AGBL4: variants seen among roughly 807,000 people sequenced by gnomAD.
The protein encoded by AGBL4 is AGBL carboxypeptidase 4, also known as cytosolic carboxypeptidase 6.
Under a neutral mutation model 66.4 loss-of-function variants are expected in AGBL4, and 58 were observed. The ratio of observed to expected loss-of-function variants is 0.87; its 90% CI spans 0.71 to 1.09. The LOEUF is 1.09. Ranked by LOEUF, AGBL4 falls within the 50% of genes least tolerant of loss-of-function variation. The probability of loss-of-function intolerance (pLI) is 0.00; values close to 1 mark genes in which losing one functional copy is unlikely to be tolerated. For synonymous variants in AGBL4, 234 were observed against 222.9 expected (o/e 1.05, Z -0.44); for missense variants, 579 against 631.0 (o/e 0.92, Z 0.88).
At chr1:49,626,746 C>T (rs1023240243) in intron 3 of AGBL4, among the ~76,000 whole-genome samples, 1 of 152,068 alleles carries the variant, frequency 6.6e-6, no homozygotes, top group Non-Finnish European at 1.5e-5. Flanking sequence ...AAGTGGGAGT[C>T]TGTGCTGTTG....
intron 5 of AGBL4, among the ~76,000 whole-genome samples, chr1:48,869,837 C>A (rs940013472): frequency 1.3e-5 from 2 of 152,118 alleles, no homozygotes; most frequent in Non-Finnish European, 2.9e-5. Context: ...TTTTAATTTT[C>A]TGTGCATGTA....
chr1:49,802,773 C>G (rs1644893347), intron 2 of AGBL4, among the ~76,000 whole-genome samples: 1 of 152,118 alleles, frequency 6.6e-6, no homozygotes. Flanking sequence ...TTGTGTGTGT[C>G]TATTATTTCT....
intron 4 of AGBL4, among the ~76,000 whole-genome samples, chr1:49,128,600 A>C (rs1645814082): frequency 6.6e-6 from 1 of 152,104 alleles, no homozygotes; most frequent in Non-Finnish European, 1.5e-5. Flanking sequence ...AAAACAGCCA[A>C]AATAACTTAA....
Position 48,587,665 on chromosome 1 carries a change from T to A in AGBL4, c.1105-499A>T, listed in dbSNP as rs1644845322. 3.3e-5 allele frequency among the ~76,000 whole-genome samples: 5 copies of A among 151,798 alleles called. No homozygotes were observed. The South Asian group carries it at 1.0e-3, about 32-fold the overall frequency. ...ATTTTATTTTATTTATTTTTTGAGA[T>A]GAAGTCTCGCTCTGTCACCCAGGCT... On this transcript the variant is annotated intron_variant, in intron 10 of 13. Coordinates refer to ENST00000371839, the MANE Select transcript of AGBL4 (RefSeq NM_032785.4).
At chr1:49,721,660 G>T (rs1370711424) in intron 2 of AGBL4, among the ~76,000 whole-genome samples, 1 of 152,060 alleles carries the variant, frequency 6.6e-6, no homozygotes, top group Non-Finnish European at 1.5e-5. Context: ...CTTGTAAAAA[G>T]CTTGAAATAG....
chr1:49,934,526 C>T (rs1431190752), intron 1 of AGBL4, among the ~76,000 whole-genome samples: 2 of 152,062 alleles, frequency 1.3e-5, no homozygotes, highest in Non-Finnish European at 2.9e-5. Context: ...TTCACGATTA[C>T]AGAAAAATTC....
chr1:48,747,634 C>G lies in AGBL4; in HGVS notation c.635-84393G>C, dbSNP rs144026444. Among the ~76,000 whole-genome samples the G allele has an allele frequency of 1.3e-3, 205 of 152,356 alleles. 1 individual carries two copies. The highest frequency in any genetic ancestry group is 6.8e-3 in the Middle Eastern group (2 of 294). ...CCTGGTTCTGTTATTTACTTTACCT[C>G]TTTAAGCCCTACTGGCTTTTTCCCT... is the stretch of plus-strand genomic sequence containing the variant. On this transcript the variant is annotated intron_variant, in intron 6 of 13. Coordinates refer to ENST00000371839, the MANE Select transcript of AGBL4 (RefSeq NM_032785.4).
At chr1:49,423,728 C>T (rs1358681552) in intron 3 of AGBL4, among the ~76,000 whole-genome samples, 1 of 150,760 alleles carries the variant, frequency 6.6e-6, no homozygotes, top group African/African-American at 2.4e-5. Flanking sequence ...AGGAGAATCA[C>T]CTGCACGTGG....
intron 5 of AGBL4, among the ~76,000 whole-genome samples, chr1:48,936,568 G>GT (rs1298440448): frequency 1.3e-5 from 2 of 152,148 alleles, no homozygotes; most frequent in Non-Finnish European, 2.9e-5. Flanking sequence ...ATGGTTGATT[G>GT]TAACACTGAA....
chr1:48,618,482 G>T (rs2148392165), intron 9 of AGBL4, among the ~76,000 whole-genome samples: 1 of 152,124 alleles, frequency 6.6e-6, no homozygotes, highest in East Asian at 1.9e-4. Flanking sequence ...GCCCTGCCCT[G>T]GGCTGAAGTG....
chr1:49,137,788 C>T (rs1646041154), intron 4 of AGBL4, among the ~76,000 whole-genome samples: 1 of 152,104 alleles, frequency 6.6e-6, no homozygotes, highest in South Asian at 2.1e-4. Context: ...GCTAAGAGGT[C>T]ATCCAACATC....
At chr1:49,728,851 C>A (rs1022204462) in intron 2 of AGBL4, among the ~76,000 whole-genome samples, 5 of 152,122 alleles carry the variant, frequency 3.3e-5, no homozygotes, top group African/African-American at 9.7e-5. Context: ...AAAGGGCAGG[C>A]TTGTACTCTC....
chr1:48,789,019 T>TA (rs1365020875), intron 6 of AGBL4, among the ~76,000 whole-genome samples: 1 of 152,220 alleles, frequency 6.6e-6, no homozygotes, highest in Non-Finnish European at 1.5e-5. Flanking sequence ...AGGTGCTGGA[T>TA]ATGCAATTCT....
intron 3 of AGBL4, among the ~76,000 whole-genome samples, chr1:49,456,663 T>A (rs187478939): frequency 1.3e-5 from 2 of 151,736 alleles, no homozygotes; most frequent in African/African-American, 4.8e-5. Context: ...GAGATTTTGG[T>A]GCACCCATCA....
At chr1:48,633,678 G>T (rs1645625391) in intron 9 of AGBL4, among the ~76,000 whole-genome samples, 2 of 152,138 alleles carry the variant, frequency 1.3e-5, no homozygotes, top group African/African-American at 2.4e-5. Flanking sequence ...AAAATGGTCT[G>T]TCCCCCCATT....
At chr1:49,426,903 G>A (rs907984304) in intron 3 of AGBL4, among the ~76,000 whole-genome samples, 27 of 152,072 alleles carry the variant, frequency 1.8e-4, no homozygotes, top group African/African-American at 5.8e-4. Flanking sequence ...CCAAGGAAAT[G>A]GCCCTAAGTT....
intron 6 of AGBL4, among the ~76,000 whole-genome samples, chr1:48,710,409 G>A (rs1158779499): frequency 6.6e-6 from 1 of 152,178 alleles, no homozygotes; most frequent in Non-Finnish European, 1.5e-5. Flanking sequence ...AACTGTCTGG[G>A]GCTGCCCAAA....
rs180741941 is a variant in AGBL4, at chr1:49,734,011, T to C, written c.158-36574A>G. Reference sequence around the variant, plus strand: ...AATCAACTAATATAACACACCATACTACTATAGAAGAGTATTAAAATAATA... The same window carrying C: ...AATCAACTAATATAACACACCATACCACTATAGAAGAGTATTAAAATAATA... On this transcript the variant is annotated intron_variant, in intron 2 of 13. Coordinates refer to ENST00000371839, the MANE Select transcript of AGBL4 (RefSeq NM_032785.4). Among the ~76,000 whole-genome samples the C allele has an allele frequency of 2.0e-5, 3 of 152,290 alleles. No homozygotes were observed. In the East Asian group the frequency reaches 5.8e-4, roughly 29 times the overall value.
At chr1:49,096,648 A>G (rs1361374618) in intron 4 of AGBL4, among the ~76,000 whole-genome samples, 4 of 130,286 alleles carry the variant, frequency 3.1e-5, no homozygotes, top group African/African-American at 1.2e-4. Context: ...ATGAGAACAC[A>G]TGGACACAGG....
Sources: allele counts gnomAD v4.1 joint callset (sites outside exome capture counted in the v4.1 genomes callset), GRCh38; gene constraint gnomAD v4.1.1; transcripts MANE v1.5; gene names NCBI Gene and HGNC (gene_info 2026-07-23, HGNC 2026-07-21).